Variants in ROBO1 observed in about 807,000 individuals in gnomAD.
ROBO1 encodes the protein roundabout guidance receptor 1.
In ROBO1, 149 loss-of-function variants were observed where a neutral mutation model predicts 195.9. The ratio of observed to expected loss-of-function variants is 0.76; its 90% CI spans 0.67 to 0.87. ROBO1 has a LOEUF of 0.87. Ranked by LOEUF, ROBO1 falls within the 40% of genes least tolerant of loss-of-function variation. The probability of loss-of-function intolerance (pLI) is 0.00; values close to 1 mark genes in which losing one functional copy is unlikely to be tolerated. For missense variants in ROBO1, 1,933 were observed against 2,068.3 expected (o/e 0.93, Z 1.27); for synonymous variants, 816 against 733.2 (o/e 1.11, Z -1.82).
chr3:79,697,344 G>A (rs1947477515), intron 1 of ROBO1, among the ~76,000 whole-genome samples: 2 of 151,340 alleles, frequency 1.3e-5, no homozygotes, highest in Admixed American at 6.6e-5. Flanking sequence ...AAGAATTAGA[G>A]AATATTTTAG....
intron 2 of ROBO1, among the ~76,000 whole-genome samples, chr3:79,463,410 A>C (rs1396605714): frequency 6.6e-6 from 1 of 151,870 alleles, no homozygotes; most frequent in Non-Finnish European, 1.5e-5. Flanking sequence ...AAAAAACAAA[A>C]AACCACAAAC....
intron 1 of ROBO1, among the ~76,000 whole-genome samples, chr3:79,623,453 A>T (rs907873701): frequency 9.2e-5 from 14 of 152,308 alleles, no homozygotes; most frequent in African/African-American, 2.2e-4. Context: ...AACATTGATA[A>T]AATGTTAGAG....
chr3:78,671,186 T>C (rs1183488335), intron 10 of ROBO1, among the ~76,000 whole-genome samples: 2 of 152,086 alleles, frequency 1.3e-5, no homozygotes, highest in Admixed American at 6.5e-5. Flanking sequence ...TTATCTGACA[T>C]GAAGTCTTTT....
At chr3:79,668,744 C>A (rs1372150558) in intron 1 of ROBO1, among the ~76,000 whole-genome samples, 2 of 151,636 alleles carry the variant, frequency 1.3e-5, no homozygotes, top group African/African-American at 4.8e-5. Context: ...ACTGACTTGG[C>A]AACCTAAATG....
intron 10 of ROBO1, among the ~76,000 whole-genome samples, chr3:78,685,484 A>G (rs1232905675): frequency 3.3e-5 from 5 of 152,190 alleles, no homozygotes; most frequent in Non-Finnish European, 7.4e-5. Context: ...ACATAGATAC[A>G]GTCCTATGTG....
chr3:78,599,988 T>C (rs1219721937), intron 30 of ROBO1, 125 bp downstream of exon 30: 8 of 799,962 alleles, frequency 1.0e-5, no homozygotes, highest in Non-Finnish European at 1.7e-5. Flanking sequence ...TCTGCCATCA[T>C]AGACATTAGA....
At chr3:78,803,838 T>G (rs1379777878) in intron 4 of ROBO1, among the ~76,000 whole-genome samples, 2 of 152,168 alleles carry the variant, frequency 1.3e-5, no homozygotes, top group Non-Finnish European at 2.9e-5. Context: ...TGGGTCTGTT[T>G]AAACAACAAA....
In ROBO1 at chr3:79,255,903, C is replaced by T. The variant is rs189180808; in HGVS notation, c.89-130364G>A. On this transcript the variant is annotated intron_variant, in intron 2 of 30. Coordinates refer to ENST00000464233, the MANE Select transcript of ROBO1 (RefSeq NM_002941.4). ...GTCAGGATGGAGGCTGGATCATCTC[C>T]TCAGCAAAGAGCTGTTCATGTGGAA... Among the ~76,000 whole-genome samples, 27 of 152,240 alleles carry T rather than the reference C, an allele frequency of 1.8e-4. 1 individual carries two copies. In the East Asian group the frequency reaches 5.2e-3, roughly 29 times the overall value.
Position 79,594,674 on chromosome 3 carries a change from T to C in ROBO1, c.-50-4713A>G, listed in dbSNP as rs558657926. On this transcript the variant is annotated intron_variant, in intron 1 of 30. Coordinates refer to ENST00000464233, the MANE Select transcript of ROBO1 (RefSeq NM_002941.4). ...ATTTAAACTCTCTTAGTTGCATCTT[T>C]CTGAAGTGTAAAATGTGAAGGAGAA... Among the ~76,000 whole-genome samples, 22 of 152,150 alleles carry C rather than the reference T, an allele frequency of 1.4e-4. 3 individuals carry two copies. Among genetic ancestry groups the C allele is most frequent in the Admixed American group, 1.4e-3 (22 of 15,264 alleles).
At chr3:79,551,443 G>A (rs530700531) in intron 2 of ROBO1, among the ~76,000 whole-genome samples, 1 of 151,210 alleles carries the variant, frequency 6.6e-6, no homozygotes, top group East Asian at 1.9e-4. Flanking sequence ...AATAATGAAA[G>A]TTGTTTTGGA....
intron 5 of ROBO1, among the ~76,000 whole-genome samples, chr3:78,739,841 C>T (rs1272150386): frequency 6.6e-6 from 1 of 152,104 alleles, no homozygotes; most frequent in Non-Finnish European, 1.5e-5. Flanking sequence ...ACATTAAAAA[C>T]AGTACTTCAT....
intron 2 of ROBO1, among the ~76,000 whole-genome samples, chr3:79,514,438 G>A (rs771535621): frequency 6.6e-6 from 1 of 152,066 alleles, no homozygotes; most frequent in African/African-American, 2.4e-5. Flanking sequence ...GGATTGAACT[G>A]TTGAAAATTT....
At chr3:79,674,544 C>T (rs975217797) in intron 1 of ROBO1, among the ~76,000 whole-genome samples, 25 of 151,970 alleles carry the variant, frequency 1.6e-4, no homozygotes, top group Non-Finnish European at 3.5e-4. Flanking sequence ...TAATATGTTG[C>T]TTACAATGTT....
chr3:79,381,831 G>A (rs756903600), intron 2 of ROBO1, among the ~76,000 whole-genome samples: 9 of 151,996 alleles, frequency 5.9e-5, no homozygotes, highest in Non-Finnish European at 1.3e-4. Flanking sequence ...ATGTTATCAA[G>A]AGCACATATC....
chr3:78,606,110 C>A (rs2107282705), intron 29 of ROBO1, among the ~76,000 whole-genome samples: 1 of 152,326 alleles, frequency 6.6e-6, no homozygotes, highest in Non-Finnish European at 1.5e-5. Context: ...CTCAGAATTA[C>A]TTGTTGGCTC....
chr3:79,183,095 A>G lies in ROBO1; in HGVS notation c.89-57556T>C, dbSNP rs2081375458. Among the ~76,000 whole-genome samples the G allele has an allele frequency of 3.9e-5, 6 of 152,030 alleles. No homozygotes were observed. In the South Asian group the frequency reaches 1.2e-3, roughly 32 times the overall value. On this transcript the variant is annotated intron_variant, in intron 2 of 30. Coordinates refer to ENST00000464233, the MANE Select transcript of ROBO1 (RefSeq NM_002941.4). ...GACTCCAACTCAAAAAAAAAAAAAAAAAGATACATAGAGAGAAATTAATTC... is the reference window on the plus strand; with the variant it reads ...GACTCCAACTCAAAAAAAAAAAAAAGAAGATACATAGAGAGAAATTAATTC...
chr3:79,210,158 T>C (rs2081944328), intron 2 of ROBO1, among the ~76,000 whole-genome samples: 1 of 152,096 alleles, frequency 6.6e-6, no homozygotes, highest in African/African-American at 2.4e-5. Flanking sequence ...CTTCACAGGA[T>C]TGGAAAAAAA....
intron 4 of ROBO1, among the ~76,000 whole-genome samples, chr3:78,815,309 CCAAA>C (rs1447630419): frequency 2.0e-5 from 3 of 152,158 alleles, no homozygotes; most frequent in African/African-American, 4.8e-5. Flanking sequence ...GCTTCTTATG[CCAAA>C]CAGTTTGCCA....
chr3:79,272,656 A>C (rs1368979664), intron 2 of ROBO1, among the ~76,000 whole-genome samples: 1 of 152,078 alleles, frequency 6.6e-6, no homozygotes, highest in African/African-American at 2.4e-5. Context: ...AATGCAGTGC[A>C]TTGCATTCAC....
Sources: gnomAD v4.1 joint callset for allele counts (sites outside exome capture counted in the v4.1 genomes callset) on GRCh38, gnomAD v4.1.1 for gene constraint, MANE v1.5 for transcripts, NCBI Gene and HGNC (gene_info 2026-07-23, HGNC 2026-07-21) for gene names.